The following UTRN variants were observed in gnomAD, a reference collection of about 807,000 sequenced individuals.
UTRN encodes dystrophin-related protein 1.
In UTRN, 283 loss-of-function variants were observed where a neutral mutation model predicts 463.9. That is an observed-to-expected ratio of 0.61 (90% CI 0.55 to 0.67). UTRN has a LOEUF of 0.67. UTRN is among the 30% of genes least tolerant of loss of function. The probability of loss-of-function intolerance (pLI) is 0.00; values close to 1 mark genes in which losing one functional copy is unlikely to be tolerated. For synonymous variants in UTRN, 1,442 were observed against 1,431.5 expected, an observed-to-expected ratio of 1.01 and a Z score of -0.17; for missense variants, 3,922 against 4,084.3, an observed-to-expected ratio of 0.96 and a Z score of 1.08.
chr6:144,488,011 G>A (rs1191586630), intron 29 of UTRN, among the ~76,000 whole-genome samples: 3 of 152,110 alleles, frequency 2.0e-5, no homozygotes. Context: ...GTAAATATTA[G>A]GGCCATGATA....
At chr6:144,533,900 A>T (rs1315204682) in intron 43 of UTRN, among the ~76,000 whole-genome samples, 2 of 152,060 alleles carry the variant, frequency 1.3e-5, no homozygotes, top group Non-Finnish European at 2.9e-5. Flanking sequence ...GACAGTCAAG[A>T]TTTATGAATG....
intron 51 of UTRN, among the ~76,000 whole-genome samples, chr6:144,665,900 GTT>G (rs202076642): frequency 0.011 from 1,606 of 152,270 alleles, 17 homozygotes; most frequent in Middle Eastern, 0.017. Flanking sequence ...GTTTTCAAAT[GTT>G]AGTTCAACTG....
chr6:144,510,842 T>C (rs1253763810), intron 34 of UTRN, 102 bp from the exon 35 acceptor site: 2 of 1,006,966 alleles, frequency 2.0e-6, no homozygotes, highest in African/African-American at 3.3e-5. Flanking sequence ...AGTCATGGAC[T>C]ACTTTGTATA....
At chr6:144,360,266 G>A (rs1392716547) in intron 2 of UTRN, among the ~76,000 whole-genome samples, 6 of 151,676 alleles carry the variant, frequency 4.0e-5, no homozygotes, top group Non-Finnish European at 7.4e-5. Context: ...TTCACCTCAC[G>A]GGTTCAAGGG....
chr6:144,836,469 G>T lies in UTRN; in HGVS notation c.9993G>T (p.Arg3331Ser), dbSNP rs898943433. 6.2e-7 allele frequency: 1 copy of T among 1,614,026 alleles called. No homozygotes were observed. Among genetic ancestry groups the T allele is most frequent in the African/African-American group, 1.3e-5 (1 of 75,010 alleles). The change falls in exon 71 of 75, where the codon AGG becomes AGT. Residue 3331 changes from arginine (R) to serine (S), a missense_variant. Around this residue, in one of 3 missense-constraint regions of UTRN, gnomAD observed 1,309 missense variants for 1,452.6 expected, o/e 0.90. Transcript: ENST00000367545. ...LRQHKGRLEA[R>S]MQILEDHNKQ... The stretch of plus-strand genomic sequence containing the variant: ...AGCACAAAGGTCGGCTGGAGGCTAG[G>T]ATGCAGATTTTAGAAGATCACAATA...
chr6:144,362,928 A>C lies in UTRN; in HGVS notation c.80-40195A>C, dbSNP rs73780542. ...TTATGCTAAGTAATGTGTTATATTT[A>C]TGCTTATTTTGTTAAGTGCTCAGTT... On this transcript the variant is annotated intron_variant, in intron 2 of 74. Transcript: ENST00000367545. 9.8e-3 allele frequency among the ~76,000 whole-genome samples: 1,497 copies of C among 152,206 alleles called. 26 individuals carry two copies. Among genetic ancestry groups the C allele is most frequent in the African/African-American group, 0.034 (1,431 of 41,524 alleles).
intron 43 of UTRN, among the ~76,000 whole-genome samples, chr6:144,533,707 T>G (rs1797276834): frequency 7.0e-6 from 1 of 142,518 alleles, no homozygotes; most frequent in Non-Finnish European, 1.5e-5. Context: ...ATAATAAAGT[T>G]CTTCATCTAT....
intron 3 of UTRN, among the ~76,000 whole-genome samples, chr6:144,420,509 T>TA (rs1205793073): frequency 6.6e-6 from 1 of 152,186 alleles, no homozygotes; most frequent in Non-Finnish European, 1.5e-5. Context: ...CTACCAAACT[T>TA]ACAGTGAATG....
rs1175509938 is a variant in UTRN, at chr6:144,429,594, G to T, written c.708G>T (p.Gln236His). The T allele has an allele frequency of 1.2e-6, 2 of 1,601,274 alleles. No homozygotes were observed. Among genetic ancestry groups the T allele is most frequent in the Non-Finnish European group, 1.7e-6 (2 of 1,174,324 alleles). The change falls in exon 9 of 75, where the codon CAG (glutamine) becomes CAT (histidine). Residue 236 changes from glutamine to histidine, a missense_variant. This residue lies in a region of UTRN where 264 missense variants were observed against 327.9 expected (regional missense o/e 0.81). Transcript: ENST00000367545. The stretch of plus-strand genomic sequence containing the variant: ...TTCCACTTTTAGATGTTGCCGTTCA[G>T]CTTCCTGACAAGAAATCCATAATTA... ...KLLDPEDVAVQLPDKKSIIMY... is the reference protein window; with the variant it reads ...KLLDPEDVAVHLPDKKSIIMY...
intron 2 of UTRN, among the ~76,000 whole-genome samples, chr6:144,396,898 G>A (rs747470687): frequency 1.3e-5 from 2 of 152,110 alleles, no homozygotes; most frequent in Non-Finnish European, 2.9e-5. Context: ...CTGTGGCTCC[G>A]TGATAGTAAG....
intron 51 of UTRN, among the ~76,000 whole-genome samples, chr6:144,618,574 CT>C (rs1330720955): frequency 4.6e-5 from 7 of 152,042 alleles, no homozygotes; most frequent in Non-Finnish European, 1.0e-4. Context: ...TTCAAAGAAT[CT>C]TAGTAGTCAG....
intron 54 of UTRN, among the ~76,000 whole-genome samples, chr6:144,739,183 G>A (rs1378822340): frequency 6.6e-6 from 1 of 151,964 alleles, no homozygotes; most frequent in Non-Finnish European, 1.5e-5. Flanking sequence ...TGATATTTTA[G>A]AAAGCCAAGT....
intron 41 of UTRN, among the ~76,000 whole-genome samples, chr6:144,528,988 TG>T: frequency 6.6e-6 from 1 of 152,256 alleles, no homozygotes; most frequent in African/African-American, 2.4e-5. Flanking sequence ...CTATGGGGGA[TG>T]GGGGTGTGGT....
At chr6:144,654,107 T>G (rs1779095244) in intron 51 of UTRN, among the ~76,000 whole-genome samples, 1 of 152,186 alleles carries the variant, frequency 6.6e-6, no homozygotes, top group Admixed American at 6.5e-5. Context: ...GTTGTAAGTG[T>G]GAGTGGTTCA....
intron 53 of UTRN, among the ~76,000 whole-genome samples, chr6:144,714,591 G>T (rs1454603371): frequency 6.6e-6 from 1 of 152,178 alleles, no homozygotes; most frequent in Admixed American, 6.5e-5. Flanking sequence ...TGGACAAGGG[G>T]CCCTGTTACA....
rs756602487 is a variant in UTRN, at chr6:144,748,345, G to A, written c.8039G>A (p.Ser2680Asn). The change falls in exon 55 of 75, where the codon AGC (serine) becomes AAC (asparagine). Residue 2680 changes from serine (S) to asparagine (N), a missense_variant. By Grantham distance (46) the Ser-to-Asn change is conservative (BLOSUM62 1). Coordinates refer to ENST00000367545, the MANE Select transcript of UTRN (RefSeq NM_007124.3). ...TGGGAAAGTCTAAATGCTGTAACTA[G>A]CAATTGGCAAAAGCAAGTGGACAAG... Reference protein sequence around the residue: ...EKWESLNAVTSNWQKQVDKAL... With the variant: ...EKWESLNAVTNNWQKQVDKAL... 2.0e-5 allele frequency: 32 copies of A among 1,613,562 alleles called. No homozygotes were observed. The highest frequency in any genetic ancestry group is 2.5e-5 in the Non-Finnish European group (29 of 1,179,882).
chr6:144,809,846 TC>T, intron 65 of UTRN, among the ~76,000 whole-genome samples: 1 of 152,232 alleles, frequency 6.6e-6, no homozygotes, highest in East Asian at 1.9e-4. Flanking sequence ...AAAAATATCT[TC>T]TTCCCATCTT....
chr6:144,501,674 A>G (rs1794194213), intron 34 of UTRN, among the ~76,000 whole-genome samples: 1 of 151,996 alleles, frequency 6.6e-6, no homozygotes, highest in Admixed American at 6.6e-5. Flanking sequence ...AATTATTACC[A>G]TTTTCATTAT....
chr6:144,436,188 CCTTAATCAGGGACTCTACT>C (rs767256104), intron 10 of UTRN, 50 bp downstream of exon 10: 1 of 1,547,348 alleles, frequency 6.5e-7, no homozygotes, highest in Non-Finnish European at 8.8e-7. Context: ...GGGACCTGAG[CCTTAATCAGGGACTCTACT>C]CTCCTATTTG....
Sources: gnomAD v4.1 joint callset for allele counts (sites outside exome capture counted in the v4.1 genomes callset) on GRCh38, gnomAD v4.1.1 for gene constraint, gnomAD v4.1.1 regional missense constraint, MANE v1.5 for transcripts, NCBI Gene and HGNC (gene_info 2026-07-23, HGNC 2026-07-21) for gene names.